NUP58: variants seen among roughly 807,000 people sequenced by gnomAD.
The protein encoded by NUP58 is nucleoporin 58, also known as nucleoporin p58/p45.
A neutral mutation model predicts 70.1 loss-of-function variants in NUP58; 17 were observed. The observed-to-expected ratio is 0.24, with a 90% CI of 0.17 to 0.36. The LOEUF (loss-of-function observed/expected upper bound fraction) is 0.36. Among genes scored for constraint, NUP58 ranks in the 10% least tolerant of loss-of-function variants. The pLI is 1.00. For synonymous variants in NUP58, 275 were observed against 257.6 expected, an observed-to-expected ratio of 1.07 and a Z score of -0.65; for missense variants, 644 against 701.5, an observed-to-expected ratio of 0.92 and a Z score of 0.93.
intron 1 of NUP58, among the ~76,000 whole-genome samples, chr13:25,306,141 C>T (rs531896103): frequency 6.6e-6 from 1 of 152,220 alleles, no homozygotes; most frequent in South Asian, 2.1e-4. Flanking sequence ...TGCGGTGGCT[C>T]ACGCCTGTAA....
chr13:25,303,260 C>A (rs950577832), intron 1 of NUP58: 14 of 375,062 alleles, frequency 3.7e-5, no homozygotes, highest in Admixed American at 1.8e-4. Flanking sequence ...TCTGCAAGGT[C>A]CACTTCTGCT....
chr13:25,308,105 G>T, intron 2 of NUP58, 157 bp downstream of exon 2: 1 of 719,848 alleles, frequency 1.4e-6, no homozygotes, highest in Non-Finnish European at 2.1e-6. Flanking sequence ...TGGAATTAAG[G>T]GCTAGTGATA....
chr13:25,339,903 G>C, intron 15 of NUP58, 62 bp from the exon 16 acceptor site: 1 of 1,416,838 alleles, frequency 7.1e-7, no homozygotes, highest in Non-Finnish European at 9.5e-7. Flanking sequence ...GCTCCTCCCT[G>C]TTTTTATATT....
intron 5 of NUP58, among the ~76,000 whole-genome samples, chr13:25,315,141 GA>G (rs111491662): frequency 0.012 from 1,802 of 152,254 alleles, 48 homozygotes; most frequent in African/African-American, 0.041. Context: ...TCGTAATAAT[GA>G]AAAATCGCAT....
chr13:25,335,633 T>A (rs1159060623), intron 13 of NUP58: 1 of 985,072 alleles, frequency 1.0e-6, no homozygotes, highest in Non-Finnish European at 1.2e-6. Context: ...TTAGTTATTG[T>A]TTGTTTTCTG....
At chr13:25,327,918 TAGTC>T (rs199644778) in intron 12 of NUP58, among the ~76,000 whole-genome samples, 3,392 of 152,176 alleles carry the variant, frequency 0.022, 111 homozygotes, top group African/African-American at 0.076. Context: ...TAGGCATTCT[TAGTC>T]AGGCACAGTG....
intron 3 of NUP58, chr13:25,310,129 A>C (rs2030580720): frequency 4.7e-6 from 1 of 211,982 alleles, no homozygotes; most frequent in Non-Finnish European, 9.9e-6. Flanking sequence ...TGCAACCTCA[A>C]ACTCTTGGGC....
At chr13:25,302,146 G>A (rs2030046823) in intron 1 of NUP58, among the ~76,000 whole-genome samples, 1 of 152,290 alleles carries the variant, frequency 6.6e-6, no homozygotes. Flanking sequence ...TTTGGACCTA[G>A]TGGGGTCTTG....
Position 25,327,436 on chromosome 13 carries a change from C to T in NUP58, c.1157C>T (p.Ser386Leu), listed in dbSNP as rs758221542. 6.3e-7 allele frequency: 1 copy of T among 1,597,952 alleles called. No individual in the cohort carries two copies. The highest frequency in any genetic ancestry group is 1.7e-5 in the Admixed American group (1 of 59,454). ...ATGTAATTTTCTTTTATAGATTTGT[C>T]AATGGCTATGCAGAAAATTTATCAA... The part of the protein sequence containing the change: ...NNSHITPQDL[S>L]MAMQKIYQTF... The change falls in exon 12 of 16, where the codon TCA becomes TTA. Residue 386 changes from serine to leucine, a missense_variant. Coordinates refer to ENST00000381736, the MANE Select transcript of NUP58 (RefSeq NM_014089.4).
chr13:25,328,394 G>A (rs996174368), intron 12 of NUP58, among the ~76,000 whole-genome samples: 22 of 105,762 alleles, frequency 2.1e-4, no homozygotes, highest in African/African-American at 6.7e-4. Context: ...ACTGACTCTC[G>A]CTTTTTTTTT....
intron 12 of NUP58, among the ~76,000 whole-genome samples, chr13:25,331,029 C>T (rs758775258): frequency 6.6e-6 from 1 of 151,496 alleles, no homozygotes; most frequent in Non-Finnish European, 1.5e-5. Context: ...TTTTTAAATT[C>T]TTTTCATCCA....
chr13:25,321,508 G>T (rs1409540034), intron 9 of NUP58, among the ~76,000 whole-genome samples: 1 of 152,126 alleles, frequency 6.6e-6, no homozygotes, highest in Non-Finnish European at 1.5e-5. Flanking sequence ...TATATAAGAG[G>T]AAACATAGCT....
intron 10 of NUP58, among the ~76,000 whole-genome samples, chr13:25,326,040 G>A (rs2031382241): frequency 6.6e-6 from 1 of 151,956 alleles, no homozygotes; most frequent in Admixed American, 6.6e-5. Flanking sequence ...AAACAGTTTG[G>A]GTTATTTGCA....
downstream of NUP58, among the ~76,000 whole-genome samples, chr13:25,344,228 A>G (rs1455595106): frequency 6.6e-6 from 1 of 152,176 alleles, no homozygotes; most frequent in African/African-American, 2.4e-5. Context: ...GATAATAGGT[A>G]TTAATATTTT....
In NUP58 at chr13:25,341,353, T is replaced by TA. The variant is rs2031949771; in HGVS notation, c.*1220dup. ...CTGGTGTTCTGGGGCAAAGAGCTAT[T>TA]AGCCAAACTGATTCTATGCAGGTGA... On this transcript the variant is annotated 3_prime_UTR_variant, in exon 16 of 16. Transcript: ENST00000381736. 1 of 152,568 alleles carries TA rather than the reference T, an allele frequency of 6.6e-6. No homozygotes were observed. Among genetic ancestry groups the TA allele is most frequent in the African/African-American group, 2.4e-5 (1 of 41,444 alleles). 9.5% of individuals were successfully genotyped at this position (152,568 alleles called of 1,614,324 possible).
chr13:25,302,543 G>T (rs527243208), intron 1 of NUP58, among the ~76,000 whole-genome samples: 2 of 152,132 alleles, frequency 1.3e-5, no homozygotes, highest in South Asian at 4.1e-4. Flanking sequence ...CATGTTCCTT[G>T]TTTTTGTGCA....
chr13:25,336,263 C>G (rs776330557), intron 13 of NUP58: 4 of 1,365,064 alleles, frequency 2.9e-6, no homozygotes, highest in Non-Finnish European at 3.9e-6. Flanking sequence ...TCAATTATCA[C>G]TTTTTGTGAA....
At chr13:25,347,086 G>A (rs975618863), downstream of NUP58, among the ~76,000 whole-genome samples, 21 of 152,050 alleles carry the variant, frequency 1.4e-4, no homozygotes, top group African/African-American at 5.1e-4. Flanking sequence ...TAGCCTGAGG[G>A]TAATATTATA....
chr13:25,335,630 T>G (rs1417805093), intron 13 of NUP58: 1 of 985,010 alleles, frequency 1.0e-6, no homozygotes, highest in African/African-American at 1.7e-5. Flanking sequence ...CTATTAGTTA[T>G]TGTTTGTTTT....
Sources: gnomAD v4.1 joint callset for allele counts (sites outside exome capture counted in the v4.1 genomes callset) on GRCh38, gnomAD v4.1.1 for gene constraint, MANE v1.5 for transcripts, NCBI Gene and HGNC (gene_info 2026-07-23, HGNC 2026-07-21) for gene names.